TSPAN16: variants seen among roughly 807,000 people sequenced by gnomAD.
TSPAN16 encodes tetraspanin 16.
Under a neutral mutation model 25.2 loss-of-function variants are expected in TSPAN16, and 23 were observed. The observed-to-expected ratio is 0.91, with a 90% CI of 0.66 to 1.29. The LOEUF is 1.29. Among genes scored for constraint, TSPAN16 ranks in the 50% most tolerant of loss-of-function variants. TSPAN16 has a pLI of 0.00. For missense variants in TSPAN16, 272 were observed against 299.9 expected (o/e 0.91, Z 0.69); for synonymous variants, 123 against 124.4 (o/e 0.99, Z 0.08).
chr19:11,298,424 T>C (rs2080504367), intron 2 of TSPAN16, 85 bp downstream of exon 2: 36 of 1,349,840 alleles, frequency 2.7e-5, no homozygotes, highest in Non-Finnish European at 3.3e-5. Context: ...CAACTTTGCT[T>C]GGTGTCACCT....
downstream of TSPAN16, among the ~76,000 whole-genome samples, chr19:11,316,168 G>C (rs1451397696): frequency 6.7e-6 from 1 of 150,020 alleles, no homozygotes; most frequent in Middle Eastern, 3.2e-3. Context: ...TGCCAGGCTG[G>C]AGTGCAATGG....
intron 6 of TSPAN16, chr19:11,323,792 T>C (rs1034784793): frequency 2.0e-5 from 3 of 152,384 alleles, no homozygotes; most frequent in Admixed American, 2.0e-4. Flanking sequence ...ACACAACCTC[T>C]GAAACAGAGT....
chr19:11,319,761 G>T (rs896845249), downstream of TSPAN16, among the ~76,000 whole-genome samples: 3 of 152,106 alleles, frequency 2.0e-5, no homozygotes, highest in African/African-American at 7.2e-5. Context: ...GCACCTCCAT[G>T]TGTTCATCAA....
At chr19:11,307,714 C>G (rs1016081173) in intron 5 of TSPAN16, 1 of 152,238 alleles carries the variant, frequency 6.6e-6, no homozygotes, top group African/African-American at 2.4e-5. Flanking sequence ...AGGCATGAAC[C>G]ACCACACCCA....
intron 1 of TSPAN16, among the ~76,000 whole-genome samples, chr19:11,297,162 A>G (rs921474489): frequency 6.6e-6 from 1 of 152,126 alleles, no homozygotes; most frequent in Non-Finnish European, 1.5e-5. Flanking sequence ...TTCACTTGTA[A>G]CATTTTAAAG....
chr19:11,303,935 T>C (rs322152), intron 4 of TSPAN16, among the ~76,000 whole-genome samples: 68,760 of 151,166 alleles, frequency 0.45, 19,176 homozygotes, highest in African/African-American at 0.78. Context: ...AGGCGTGCAC[T>C]ACCGTACCTG....
intron 4 of TSPAN16, among the ~76,000 whole-genome samples, chr19:11,302,678 T>TATATATATATACAC (rs556398306): frequency 7.9e-6 from 1 of 126,560 alleles, no homozygotes; most frequent in African/African-American, 3.2e-5. Flanking sequence ...TATATATATA[T>TATATATATATACAC]ACACACACAC....
intron 6 of TSPAN16, chr19:11,323,917 G>GA (rs1189835940): frequency 6.6e-6 from 1 of 152,220 alleles, no homozygotes; most frequent in Non-Finnish European, 1.5e-5. Flanking sequence ...CTAGAGTTTG[G>GA]AATCTGATGG....
At chr19:11,299,056 G>C in intron 3 of TSPAN16, 110 bp downstream of exon 3, 1 of 1,054,740 alleles carries the variant, frequency 9.5e-7, no homozygotes, top group Non-Finnish European at 1.4e-6. Flanking sequence ...GAGTCTGGTG[G>C]ATCACCTGAG....
At chr19:11,304,556 G>A (rs541766339) in intron 4 of TSPAN16, among the ~76,000 whole-genome samples, 12 of 150,652 alleles carry the variant, frequency 8.0e-5, no homozygotes, top group Admixed American at 4.0e-4. Context: ...ATGGAGTCTC[G>A]CTCTGTTGCC....
At chr19:11,316,159 G>A (rs1334133756), downstream of TSPAN16, among the ~76,000 whole-genome samples, 1 of 141,744 alleles carries the variant, frequency 7.1e-6, no homozygotes, top group Admixed American at 7.4e-5. Flanking sequence ...TTGCTGTGTT[G>A]CCAGGCTGGA....
intron 4 of TSPAN16, among the ~76,000 whole-genome samples, chr19:11,302,551 A>G (rs1441891955): frequency 2.2e-5 from 3 of 134,504 alleles, no homozygotes; most frequent in East Asian, 2.1e-4. Flanking sequence ...AAAAAAAAAA[A>G]GGGATTTGCT....
intron 6 of TSPAN16, chr19:11,324,372 A>C (rs1335498232): frequency 6.6e-6 from 1 of 152,228 alleles, no homozygotes; most frequent in East Asian, 1.9e-4. Flanking sequence ...GCCCCCCTCA[A>C]GTCGGAGCCC....
chr19:11,321,742 G>A (rs1168693582), intron 6 of TSPAN16, among the ~76,000 whole-genome samples: 1 of 152,220 alleles, frequency 6.6e-6, no homozygotes, highest in Non-Finnish European at 1.5e-5. Context: ...AGCATTTACT[G>A]CAAGTAAGGT....
At chr19:11,320,122 C>CTTTTTTTT (rs373015307), downstream of TSPAN16, among the ~76,000 whole-genome samples, 3,781 of 106,414 alleles carry the variant, frequency 0.036, 416 homozygotes, top group African/African-American at 0.15. Context: ...CCGGCCAGGA[C>CTTTTTTTT]TTTTTTTTTT....
At chr19:11,301,040 C>G (rs1046431556) in intron 3 of TSPAN16, 161 bp from the exon 4 acceptor site, 6 of 597,094 alleles carry the variant, frequency 1.0e-5, no homozygotes, top group Non-Finnish European at 1.2e-5. Flanking sequence ...CAGTAGCCTT[C>G]GTGTGTCTTC....
chr19:11,315,834 G>T lies in TSPAN16; in HGVS notation c.731G>T (p.Gly244Val). ...ACTTTGCTGCTGTTTATCAAGCTGG[G>T]CTGACACCCAGGCCTGGAGAAGATG... is the stretch of plus-strand genomic sequence containing the variant. ...LATLLLFIKLG is the reference protein window; with the variant it reads ...LATLLLFIKLV The change falls in exon 7 of 7, where the codon GGC becomes GTC. Residue 244 changes from glycine (G) to valine (V), a missense_variant. Gly to Val is a moderately radical substitution (Grantham distance 109). Transcript: ENST00000590327. 8.1e-7 allele frequency: 1 copy of T among 1,231,934 alleles called. No homozygotes were observed. Among genetic ancestry groups the T allele is most frequent in the South Asian group, 4.1e-5 (1 of 24,312 alleles). 76.3% of individuals were successfully genotyped at this position (1,231,934 alleles called of 1,614,324 possible). A position where few individuals can be genotyped will look rare whatever the true frequency, so the allele number is the denominator to read the frequency against.
chr19:11,326,815 G>T (rs1385006582), exon 7 of TSPAN16: 1 of 687,040 alleles, frequency 1.5e-6, no homozygotes, highest in East Asian at 2.8e-5. Flanking sequence ...TCGCTATGTT[G>T]CGCAGGCTGG....
downstream of TSPAN16, among the ~76,000 whole-genome samples, chr19:11,319,504 CA>C (rs1412257625): frequency 6.6e-6 from 1 of 152,104 alleles, no homozygotes; most frequent in Non-Finnish European, 1.5e-5. Context: ...GAGGCTGAGG[CA>C]GAAGAATCGC....
Sources: gnomAD v4.1 joint callset for allele counts (sites outside exome capture counted in the v4.1 genomes callset) on GRCh38, gnomAD v4.1.1 for gene constraint, MANE v1.5 for transcripts, NCBI Gene and HGNC (gene_info 2026-07-23, HGNC 2026-07-21) for gene names.